TMEM116: variants seen among roughly 807,000 people sequenced by gnomAD.
The protein encoded by TMEM116 is transmembrane protein 116.
In TMEM116, 38 loss-of-function variants were observed where a neutral mutation model predicts 44.3. The observed-to-expected ratio is 0.86, with a 90% CI of 0.66 to 1.12. TMEM116 has a LOEUF of 1.12. Ranked by LOEUF, TMEM116 falls within the 50% of genes most tolerant of loss-of-function variation. The pLI is 0.00. For synonymous variants in TMEM116, 132 were observed against 144.8 expected (o/e 0.91, Z 0.64); for missense variants, 354 against 401.7 (o/e 0.88, Z 1.01).
intron 4 of TMEM116, among the ~76,000 whole-genome samples, chr12:111,986,502 G>C (rs952870297): frequency 6.6e-6 from 1 of 151,386 alleles, no homozygotes; most frequent in Admixed American, 6.6e-5. Flanking sequence ...ATTTAATGGG[G>C]AAAGGACATT....
intron 5 of TMEM116, among the ~76,000 whole-genome samples, chr12:111,940,244 GC>G (rs1241197077): frequency 6.6e-6 from 1 of 151,812 alleles, no homozygotes. Context: ...CTGCACTCCA[GC>G]CTGGGCAACA....
chr12:112,007,474 T>C (rs1275693345), intron 1 of TMEM116, among the ~76,000 whole-genome samples: 1 of 151,872 alleles, frequency 6.6e-6, no homozygotes, highest in South Asian at 2.1e-4. Flanking sequence ...AACAAAAAGA[T>C]TATAGTCTAT....
intron 3 of TMEM116, among the ~76,000 whole-genome samples, chr12:112,001,567 G>A (rs1009955508): frequency 6.6e-6 from 1 of 152,164 alleles, no homozygotes; most frequent in Non-Finnish European, 1.5e-5. Context: ...GCTGCCAAAC[G>A]TCCTAATGTA....
chr12:112,005,407 C>T, intron 1 of TMEM116, 104 bp from the exon 2 acceptor site: 1 of 841,968 alleles, frequency 1.2e-6, no homozygotes, highest in South Asian at 5.8e-5. Context: ...TTCTTCAAAG[C>T]CTAATCTCAA....
intron 9 of TMEM116, among the ~76,000 whole-genome samples, chr12:111,933,319 A>G (rs575840433): frequency 6.6e-6 from 1 of 151,986 alleles, no homozygotes; most frequent in South Asian, 2.1e-4. Flanking sequence ...TAATATCTCC[A>G]AGTCTGTCAC....
intron 5 of TMEM116, among the ~76,000 whole-genome samples, chr12:111,942,323 T>G (rs1411673424): frequency 6.6e-6 from 1 of 151,574 alleles, no homozygotes; most frequent in Non-Finnish European, 1.5e-5. Flanking sequence ...CAGGCTGGAG[T>G]GCAGTGTGGC....
chr12:111,984,911 T>C (rs1324400303), intron 4 of TMEM116, among the ~76,000 whole-genome samples: 1 of 152,162 alleles, frequency 6.6e-6, no homozygotes, highest in Non-Finnish European at 1.5e-5. Flanking sequence ...CATTTTATTA[T>C]ACATTTACCA....
chr12:111,936,763 A>G lies in TMEM116; in HGVS notation c.517T>C (p.Cys173Arg), dbSNP rs374854985. The change falls in exon 8 of 11, where the codon TGT (cysteine) becomes CGT (arginine). Residue 173 changes from cysteine (C) to arginine (R), a missense_variant. By Grantham distance (180) the Cys-to-Arg change is radical. Transcript: ENST00000552374. ...ELPPSANTSV[C>R]STLYFYGIAI... Reference sequence around the variant, plus strand: ...ATACCATAAAAATAAAGTGTGCTACAGACAGATGTGTTGGCAGAAGGTGGA... The same window carrying G: ...ATACCATAAAAATAAAGTGTGCTACGGACAGATGTGTTGGCAGAAGGTGGA... 38 of 1,614,106 alleles carry G rather than the reference A, an allele frequency of 2.4e-5. 1 individual carries two copies. The highest frequency in any genetic ancestry group is 1.6e-4 in the Middle Eastern group (1 of 6,062).
intron 4 of TMEM116, 84 bp from the exon 5 acceptor site, chr12:111,943,453 T>A: frequency 1.0e-6 from 1 of 974,594 alleles, no homozygotes; most frequent in Non-Finnish European, 1.6e-6. Flanking sequence ...TATTTTCTAT[T>A]ATGAGAATCC....
chr12:111,963,219 TTGG>T (rs1267125108), intron 4 of TMEM116, among the ~76,000 whole-genome samples: 1 of 152,154 alleles, frequency 6.6e-6, no homozygotes, highest in African/African-American at 2.4e-5. Context: ...TTTTACACTG[TTGG>T]TGGGAGTGTA....
chr12:111,941,301 G>C (rs2072795952), intron 5 of TMEM116, among the ~76,000 whole-genome samples: 1 of 151,884 alleles, frequency 6.6e-6, no homozygotes, highest in South Asian at 2.1e-4. Flanking sequence ...GCTTGAACCA[G>C]GGAGTCGGAG....
At chr12:111,942,142 TAGTC>T (rs1051503243) in intron 5 of TMEM116, among the ~76,000 whole-genome samples, 15 of 152,010 alleles carry the variant, frequency 9.9e-5, no homozygotes, top group Non-Finnish European at 1.3e-4. Context: ...TTCTCCATAT[TAGTC>T]AGGCTGGTCT....
At position 111,931,450 on chromosome 12, in the gene TMEM116, A is replaced by G. The variant is rs1345215374; in HGVS notation, c.*171T>C. 22 of 636,710 alleles carry G rather than the reference A, an allele frequency of 3.5e-5. No homozygotes were observed. The highest frequency in any genetic ancestry group is 5.7e-5 in the Non-Finnish European group (21 of 369,246). The allele number at this position is 636,710 out of a possible 1,614,324, so 39.4% of individuals were successfully genotyped here. ...CACTAGTGAATCTGGGAATAACTGG[A>G]GAGATACTCCCAATTCATCTAGAAT... On this transcript the variant is annotated 3_prime_UTR_variant, in exon 11 of 11. Coordinates refer to ENST00000552374, the MANE Select transcript of TMEM116 (RefSeq NM_001193531.2).
At chr12:111,942,829 G>A (rs2072963080) in intron 5 of TMEM116, among the ~76,000 whole-genome samples, 1 of 151,958 alleles carries the variant, frequency 6.6e-6, no homozygotes, top group African/African-American at 2.4e-5. Flanking sequence ...AGAGAAGGGA[G>A]AAGAGGAAGT....
chr12:111,958,443 C>T (rs2074328941), intron 4 of TMEM116, among the ~76,000 whole-genome samples: 1 of 151,998 alleles, frequency 6.6e-6, no homozygotes, highest in Admixed American at 6.6e-5. Context: ...TCTTCTCCTC[C>T]AAAGGATCAC....
At chr12:111,956,766 C>T (rs1220446458) in intron 4 of TMEM116, among the ~76,000 whole-genome samples, 3 of 152,196 alleles carry the variant, frequency 2.0e-5, no homozygotes, top group South Asian at 2.1e-4. Context: ...CTGCCAGCCT[C>T]GGCCTCCTGA....
chr12:111,964,912 C>T (rs1453738903), intron 4 of TMEM116, among the ~76,000 whole-genome samples: 3 of 152,002 alleles, frequency 2.0e-5, no homozygotes, highest in East Asian at 3.9e-4. Context: ...AGGCTGGTCT[C>T]AAACTCCTGG....
intron 4 of TMEM116, among the ~76,000 whole-genome samples, chr12:111,959,895 C>T (rs1296831698): frequency 2.0e-5 from 3 of 152,118 alleles, no homozygotes; most frequent in African/African-American, 4.8e-5. Flanking sequence ...TAGACTGCCA[C>T]ACAATAATGT....
intron 4 of TMEM116, 126 bp from the exon 5 acceptor site, chr12:111,943,495 A>C: frequency 1.4e-6 from 1 of 704,816 alleles, no homozygotes; most frequent in African/African-American, 1.8e-5. Context: ...TGTACCATCT[A>C]GTGTCCATAC....
Sources: gnomAD v4.1 joint callset for allele counts (sites outside exome capture counted in the v4.1 genomes callset) on GRCh38, gnomAD v4.1.1 for gene constraint, MANE v1.5 for transcripts, NCBI Gene and HGNC (gene_info 2026-07-23, HGNC 2026-07-21) for gene names.